THUMPD2: variants seen among roughly 807,000 people sequenced by gnomAD.
The protein encoded by THUMPD2 is THUMP domain 2 tRNA and snRNA guanosine methyltransferase.
In THUMPD2, 56 loss-of-function variants were observed where a neutral mutation model predicts 49.4. The observed-to-expected ratio is 1.13, with a 90% CI of 0.91 to 1.41. THUMPD2 has a LOEUF of 1.41. Among genes scored for constraint, THUMPD2 ranks in the 40% most tolerant of loss-of-function variants. The pLI is 0.00. For missense variants in THUMPD2, 709 were observed against 594.5 expected, an observed-to-expected ratio of 1.19 and a Z score of -2.00; for synonymous variants, 237 against 205.2, an observed-to-expected ratio of 1.15 and a Z score of -1.32.
At chr2:39,757,162 T>C (rs1042205380) in intron 6 of THUMPD2, 1 of 342,924 alleles carries the variant, frequency 2.9e-6, no homozygotes, top group Non-Finnish European at 5.8e-6. Flanking sequence ...TCTGATGGCA[T>C]GTGCTTCAAA....
rs927224260 is a variant in THUMPD2 at position 39,778,988 on chromosome 2, G to A, written c.126+126C>T. On this transcript the variant is annotated intron_variant, in intron 1 of 9. Coordinates refer to ENST00000505747, the MANE Select transcript of THUMPD2 (RefSeq NM_025264.5). ...AAGCGCCTGCCAGTCAACCTCGGGG[G>A]TCGGCGACCGTCGCGTGGAACAGAG... The A allele has an allele frequency of 7.2e-6, 9 of 1,241,640 alleles. No homozygotes were observed. The African/African-American group carries it at 1.3e-4, about 17-fold the overall frequency. 76.9% of individuals were successfully genotyped at this position (1,241,640 alleles called of 1,614,324 possible).
At chr2:39,765,306 C>G (rs911968664) in intron 5 of THUMPD2, among the ~76,000 whole-genome samples, 2 of 151,972 alleles carry the variant, frequency 1.3e-5, no homozygotes, top group African/African-American at 4.8e-5. Context: ...ATTACAGGTG[C>G]CTGCTACCAT....
In THUMPD2 at chr2:39,775,675, A is replaced by G. The variant is rs547040942; in HGVS notation, c.126+3439T>C. 2.7e-5 allele frequency among the ~76,000 whole-genome samples: 4 copies of G among 150,168 alleles called. No individual in the cohort carries two copies. The South Asian group carries it at 8.5e-4, about 32-fold the overall frequency. On this transcript the variant is annotated intron_variant, in intron 1 of 9. Transcript: ENST00000505747. The stretch of plus-strand genomic sequence containing the variant: ...CTACTTGGGAGGCTGAGGCAGGAGA[A>G]TCGCTTGAACCCAGGAGGCGGAGGT...
chr2:39,744,585 C>A, intron 8 of THUMPD2, 107 bp from the exon 9 acceptor site: 1 of 665,714 alleles, frequency 1.5e-6, no homozygotes, highest in African/African-American at 1.9e-5. Context: ...AACAGATTAA[C>A]ATTTAGGGTT....
chr2:39,768,829 G>T, intron 3 of THUMPD2: 1 of 1,128,896 alleles, frequency 8.9e-7, no homozygotes, highest in Non-Finnish European at 1.2e-6. Flanking sequence ...GATGCAAGCT[G>T]AAAGATTAAC....
At chr2:39,741,636 G>A (rs957514515) in intron 9 of THUMPD2, among the ~76,000 whole-genome samples, 2 of 152,132 alleles carry the variant, frequency 1.3e-5, no homozygotes, top group African/African-American at 2.4e-5. Context: ...CATTAAAGGA[G>A]GAAATAATTG....
At chr2:39,755,248 T>A (rs779171729) in intron 8 of THUMPD2, 47 bp downstream of exon 8, 18 of 1,252,228 alleles carry the variant, frequency 1.4e-5, no homozygotes, top group Non-Finnish European at 1.8e-5. Flanking sequence ...TCTAAATATA[T>A]TTACATTGTT....
chr2:39,769,771 T>C lies in THUMPD2; in HGVS notation c.611A>G (p.Asp204Gly), dbSNP rs750599746. 1 of 1,598,112 alleles carries C rather than the reference T, an allele frequency of 6.3e-7. No individual in the cohort carries two copies. Among genetic ancestry groups the C allele is most frequent in the South Asian group, 1.1e-5 (1 of 87,422 alleles). The stretch of plus-strand genomic sequence containing the variant: ...GCGACAAGATACTCTGAAAGTCAAG[T>C]CATTCTGATTATGAGTATCAATTGC... ...EKAIDTHNQN[D>G]LTFRVSCRCS... The change falls in exon 3 of 10, where the codon GAC becomes GGC. Residue 204 changes from aspartate (D) to glycine (G), a missense_variant. Coordinates refer to ENST00000505747, the MANE Select transcript of THUMPD2 (RefSeq NM_025264.5).
intron 1 of THUMPD2, among the ~76,000 whole-genome samples, chr2:39,776,392 C>CTTTTTTTT (rs1679095793): frequency 7.4e-6 from 1 of 134,506 alleles, no homozygotes; most frequent in African/African-American, 2.6e-5. Context: ...ACTCAGTATA[C>CTTTTTTTT]TATTTTTTTT....
intron 1 of THUMPD2, among the ~76,000 whole-genome samples, chr2:39,773,608 A>AATAT (rs1281631070): frequency 7.1e-6 from 1 of 141,688 alleles, no homozygotes; most frequent in Non-Finnish European, 1.5e-5. Flanking sequence ...ATATTTTAAA[A>AATAT]ATATATATAT....
intron 8 of THUMPD2, among the ~76,000 whole-genome samples, chr2:39,749,438 A>G (rs1410875914): frequency 2.6e-5 from 4 of 152,236 alleles, no homozygotes; most frequent in Admixed American, 1.3e-4. Context: ...GGTGCATAAC[A>G]AAACTCACAA....
At chr2:39,765,344 G>C (rs1437504447) in intron 5 of THUMPD2, among the ~76,000 whole-genome samples, 1 of 152,040 alleles carries the variant, frequency 6.6e-6, no homozygotes, top group Non-Finnish European at 1.5e-5. Context: ...ATTTTTGGTA[G>C]AGACGGGACT....
intron 8 of THUMPD2, among the ~76,000 whole-genome samples, chr2:39,752,806 A>G (rs2148243672): frequency 6.6e-6 from 1 of 152,356 alleles, no homozygotes; most frequent in South Asian, 2.1e-4. Context: ...AGTTTAAAAA[A>G]TTGTAATAAA....
chr2:39,749,723 C>T (rs193256157), intron 8 of THUMPD2, among the ~76,000 whole-genome samples: 1 of 152,230 alleles, frequency 6.6e-6, no homozygotes, highest in African/African-American at 2.4e-5. Flanking sequence ...AGACCAGCAT[C>T]CATTAGCTAT....
intron 3 of THUMPD2, chr2:39,768,998 G>C: frequency 7.7e-7 from 1 of 1,304,650 alleles, no homozygotes; most frequent in Non-Finnish European, 1.0e-6. Context: ...GAGGTCTGGT[G>C]ATGGCAACAG....
Position 39,761,375 on chromosome 2 carries a change from G to T in THUMPD2, c.847C>A (p.Arg283=). 1 of 1,613,580 alleles carries T rather than the reference G, an allele frequency of 6.2e-7. No homozygotes were observed. The highest frequency in any genetic ancestry group is 8.5e-7 in the Non-Finnish European group (1 of 1,179,720). ...GCCATTGCCCACGCTATTGTAGATCGCAGTCCAGCTGTCTTGATGTAAGCT... is the reference window on the plus strand; with the variant it reads ...GCCATTGCCCACGCTATTGTAGATCTCAGTCCAGCTGTCTTGATGTAAGCT... ...SRAYIKTAGL[R]STIAWAMASL... is the part of the protein sequence containing the mutation. The change falls in exon 6 of 10, where the codon CGA becomes AGA. Residue 283 remains arginine (R), a synonymous_variant. Transcript: ENST00000505747.
chr2:39,779,210 G>T lies in THUMPD2; in HGVS notation c.30C>A (p.Ser10=), dbSNP rs957566985. 1.3e-6 allele frequency: 2 copies of T among 1,506,562 alleles called. No homozygotes were observed. The highest frequency in any genetic ancestry group is 1.9e-4 in the Middle Eastern group (1 of 5,212). 93.3% of individuals were successfully genotyped at this position (1,506,562 alleles called of 1,614,324 possible). A position where few individuals can be genotyped will look rare whatever the true frequency, so the allele number is the denominator to read the frequency against. MSEARGEPG[S]GPEAGARFFC... is the part of the protein sequence containing the mutation. The stretch of plus-strand genomic sequence containing the variant: ...AGAATCGGGCGCCAGCCTCAGGCCC[G>T]GACCCTGGCTCTCCACGCGCCTCCG... The change falls in exon 1 of 10, where the codon TCC becomes TCA. Residue 10 remains serine (S), a synonymous_variant. Coordinates refer to ENST00000505747, the MANE Select transcript of THUMPD2 (RefSeq NM_025264.5).
chr2:39,738,097 G>A (rs1264119863), intron 9 of THUMPD2, among the ~76,000 whole-genome samples: 1 of 152,156 alleles, frequency 6.6e-6, no homozygotes, highest in Non-Finnish European at 1.5e-5. Context: ...ATCACCTGGG[G>A]TGGCAGTACA....
chr2:39,763,171 A>AT (rs371670095), intron 5 of THUMPD2, among the ~76,000 whole-genome samples: 17 of 151,306 alleles, frequency 1.1e-4, no homozygotes, highest in Admixed American at 2.0e-4. Flanking sequence ...GCATGTGTGC[A>AT]TTTTTTTTTC....
Sources: allele counts gnomAD v4.1 joint callset (sites outside exome capture counted in the v4.1 genomes callset), GRCh38; gene constraint gnomAD v4.1.1; transcripts MANE v1.5; gene names NCBI Gene and HGNC (gene_info 2026-07-23, HGNC 2026-07-21).